The following SH3RF3 variants were observed in gnomAD, a reference collection of about 807,000 sequenced individuals.
SH3RF3 encodes SH3 domain containing ring finger 3.
Under a neutral mutation model 66.3 loss-of-function variants are expected in SH3RF3, and 29 were observed. The observed-to-expected ratio is 0.44, with a 90% confidence interval of 0.33 to 0.60. The LOEUF (loss-of-function observed/expected upper bound fraction) is 0.60. Among genes scored for constraint, SH3RF3 ranks in the 20% least tolerant of loss-of-function variants. SH3RF3 has a pLI of 0.04. For synonymous variants in SH3RF3, 583 were observed against 532.0 expected (o/e 1.10, Z -1.32); for missense variants, 1,194 against 1,190.9 (o/e 1.00, Z -0.04).
chr2:109,428,579 C>T (rs1396098299), intron 5 of SH3RF3, among the ~76,000 whole-genome samples: 1 of 152,256 alleles, frequency 6.6e-6, no homozygotes, highest in Non-Finnish European at 1.5e-5. Flanking sequence ...TGTACTTGTC[C>T]TCAGCAACCT....
chr2:109,246,161 ACAGAGGCTGCCTTAGGCTTTT>A (rs1212481599), intron 1 of SH3RF3, among the ~76,000 whole-genome samples: 2 of 152,216 alleles, frequency 1.3e-5, no homozygotes, highest in Non-Finnish European at 1.5e-5. Flanking sequence ...TGTGAGGTTG[ACAGAGGCTGCCTTAGGCTTTT>A]CAAGCTGCTG....
intron 1 of SH3RF3, chr2:109,251,351 C>G (rs1048228813): frequency 1.8e-6 from 1 of 564,786 alleles, no homozygotes; most frequent in African/African-American, 1.9e-5. Flanking sequence ...AGACACCCGG[C>G]CTGCCGCGGG....
intron 3 of SH3RF3, among the ~76,000 whole-genome samples, chr2:109,380,913 A>G (rs1343435246): frequency 6.6e-6 from 1 of 152,248 alleles, no homozygotes; most frequent in African/African-American, 2.4e-5. Flanking sequence ...CCTCAGCACC[A>G]GTGCACTCAG....
chr2:109,375,276 G>A (rs1347374014), intron 3 of SH3RF3, among the ~76,000 whole-genome samples: 1 of 152,216 alleles, frequency 6.6e-6, no homozygotes, highest in Non-Finnish European at 1.5e-5. Flanking sequence ...CTGCCTCCTT[G>A]TCCTTTTCGC....
At chr2:109,278,982 G>A (rs1007577017) in intron 1 of SH3RF3, among the ~76,000 whole-genome samples, 2 of 152,206 alleles carry the variant, frequency 1.3e-5, no homozygotes, top group Admixed American at 1.3e-4. Flanking sequence ...AGACTTGTAG[G>A]TTTCCTCATT....
Position 109,229,146 on chromosome 2 carries a change from C to G in SH3RF3, c.573+99033C>G, listed in dbSNP as rs765764223. Among the ~76,000 whole-genome samples the G allele has an allele frequency of 9.5e-4, 145 of 152,260 alleles. 1 individual carries two copies. The highest frequency in any genetic ancestry group is 2.4e-3 in the Admixed American group (37 of 15,296). On this transcript the variant is annotated intron_variant, in intron 1 of 9. Transcript: ENST00000309415. ...GCCCCGCTATCACTCAGAAAATTAC[C>G]AGGGATTTAGGAGCTCTGTGCCAGG...
chr2:109,315,487 G>A (rs1345653600), intron 1 of SH3RF3, among the ~76,000 whole-genome samples: 1 of 152,372 alleles, frequency 6.6e-6, no homozygotes, highest in Non-Finnish European at 1.5e-5. Context: ...GAGGCAGTAA[G>A]GAACTGTCTC....
At chr2:109,472,458 G>T (rs1308576507) in intron 8 of SH3RF3, among the ~76,000 whole-genome samples, 1 of 152,180 alleles carries the variant, frequency 6.6e-6, no homozygotes, top group East Asian at 1.9e-4. Context: ...GGGGCTTCCC[G>T]TCAGGGCTTG....
At chr2:109,158,513 C>T (rs746038656) in intron 1 of SH3RF3, among the ~76,000 whole-genome samples, 2 of 152,154 alleles carry the variant, frequency 1.3e-5, no homozygotes, top group African/African-American at 2.4e-5. Flanking sequence ...GATGCCTTGG[C>T]TGGGGGAGCT....
At chr2:109,162,349 G>A (rs1356834831) in intron 1 of SH3RF3, among the ~76,000 whole-genome samples, 1 of 152,192 alleles carries the variant, frequency 6.6e-6, no homozygotes, top group East Asian at 1.9e-4. Context: ...CCCTCAGAGA[G>A]CCGGGCCTCT....
At chr2:109,354,831 A>T (rs566203444) in intron 2 of SH3RF3, among the ~76,000 whole-genome samples, 1 of 152,238 alleles carries the variant, frequency 6.6e-6, no homozygotes, top group Non-Finnish European at 1.5e-5. Flanking sequence ...AGAGCTAGTA[A>T]ATGAGTTTAA....
chr2:109,266,511 A>G (rs961590146), intron 1 of SH3RF3, among the ~76,000 whole-genome samples: 2 of 151,790 alleles, frequency 1.3e-5, no homozygotes, highest in South Asian at 4.2e-4. Flanking sequence ...ACTGCCTTCA[A>G]CTCTCATTGT....
chr2:109,148,758 T>C (rs1272549426), intron 1 of SH3RF3, among the ~76,000 whole-genome samples: 7 of 152,242 alleles, frequency 4.6e-5, no homozygotes, highest in Non-Finnish European at 8.8e-5. Context: ...GGCTCGGTCA[T>C]AGACAGATGC....
intron 1 of SH3RF3, among the ~76,000 whole-genome samples, chr2:109,262,704 T>G (rs1680385049): frequency 6.6e-6 from 1 of 152,254 alleles, no homozygotes; most frequent in African/African-American, 2.4e-5. Context: ...CAGGAGATAA[T>G]TCTTTATCCG....
At chr2:109,284,022 G>A (rs1240055944) in intron 1 of SH3RF3, among the ~76,000 whole-genome samples, 1 of 152,172 alleles carries the variant, frequency 6.6e-6, no homozygotes, top group Non-Finnish European at 1.5e-5. Flanking sequence ...GGAAAGCCGA[G>A]GGGAGGGTGG....
In SH3RF3 at chr2:109,133,437, A is replaced by G. The variant is rs1416451834; in HGVS notation, c.573+3324A>G. Among the ~76,000 whole-genome samples, 4 of 152,326 alleles carry G rather than the reference A, an allele frequency of 2.6e-5. No homozygotes were observed. In the East Asian group the frequency reaches 5.8e-4, roughly 22 times the overall value. On this transcript the variant is annotated intron_variant, in intron 1 of 9. Transcript: ENST00000309415. ...GTTAAATATTTTATTTTATAAGCAT[A>G]CACGTGTATGATTCTTCCACCATTT...
At chr2:109,180,019 A>G (rs964234616) in intron 1 of SH3RF3, among the ~76,000 whole-genome samples, 1 of 151,902 alleles carries the variant, frequency 6.6e-6, no homozygotes, top group Non-Finnish European at 1.5e-5. Context: ...CATTCAAATT[A>G]CCTCAAGTGG....
intron 8 of SH3RF3, among the ~76,000 whole-genome samples, chr2:109,450,231 A>G (rs1573261618): frequency 1.3e-5 from 2 of 152,178 alleles, no homozygotes; most frequent in African/African-American, 4.8e-5. Flanking sequence ...CTGTAATCCC[A>G]GCTACCTAGG....
chr2:109,264,529 A>T (rs974770906), intron 1 of SH3RF3, among the ~76,000 whole-genome samples: 1 of 152,400 alleles, frequency 6.6e-6, no homozygotes, highest in East Asian at 1.9e-4. Flanking sequence ...GGCAAAGTGA[A>T]TCAAGTCTCA....
Sources: allele counts gnomAD v4.1 joint callset (sites outside exome capture counted in the v4.1 genomes callset), GRCh38; gene constraint gnomAD v4.1.1; transcripts MANE v1.5; gene names NCBI Gene and HGNC (gene_info 2026-07-23, HGNC 2026-07-21).